The following ADGRE5 variants were observed in gnomAD, a reference collection of about 807,000 sequenced individuals.
ADGRE5 encodes the protein adhesion G protein-coupled receptor E5, also known as CD97 molecule.
ADGRE5 carries 72 observed loss-of-function variants against 100.3 expected under a neutral mutation model. That is an observed-to-expected ratio of 0.72 (90% CI 0.59 to 0.87). The LOEUF (loss-of-function observed/expected upper bound fraction) is 0.87, where lower values mean the gene tolerates loss of function less well. ADGRE5 is among the 40% of genes least tolerant of loss of function. The probability of loss-of-function intolerance (pLI) is 0.00; values close to 1 mark genes in which losing one functional copy is unlikely to be tolerated. For missense variants in ADGRE5, 959 were observed against 1,094.7 expected, an observed-to-expected ratio of 0.88 and a Z score of 1.75; for synonymous variants, 439 against 447.8, an observed-to-expected ratio of 0.98 and a Z score of 0.25.
intron 4 of ADGRE5, among the ~76,000 whole-genome samples, chr19:14,393,176 G>A (rs955846822): frequency 3.4e-5 from 5 of 148,864 alleles, no homozygotes; most frequent in Non-Finnish European, 7.4e-5. Context: ...ACTCCAGCCT[G>A]GGCAACAGAG....
intron 9 of ADGRE5, among the ~76,000 whole-genome samples, chr19:14,399,559 G>A (rs1444799820): frequency 3.9e-5 from 3 of 77,540 alleles, no homozygotes; most frequent in East Asian, 4.0e-4. Flanking sequence ...GCGAGACTCC[G>A]TCTCAAAAAA....
In ADGRE5 at chr19:14,387,090, C is replaced by T. The variant is rs561909191; in HGVS notation, c.23-1360C>T. Among the ~76,000 whole-genome samples, 44 of 152,214 alleles carry T rather than the reference C, an allele frequency of 2.9e-4. No homozygotes were observed. In the South Asian group the frequency reaches 8.7e-3, roughly 30 times the overall value. ...GCAGTAAATGCTCAGGCACACCGGA[C>T]AGCAGTCATGTGGTTTACTCCCACA... is the stretch of plus-strand genomic sequence containing the variant. On this transcript the variant is annotated intron_variant, in intron 1 of 19. Coordinates refer to ENST00000242786, the MANE Select transcript of ADGRE5 (RefSeq NM_078481.4).
At chr19:14,385,514 G>A (rs964986306) in intron 1 of ADGRE5, among the ~76,000 whole-genome samples, 8 of 152,154 alleles carry the variant, frequency 5.3e-5, no homozygotes, top group African/African-American at 1.9e-4. Flanking sequence ...CTGGTGACCT[G>A]AGGAGGGTCC....
chr19:14,407,275 A>G (rs748132064), intron 18 of ADGRE5, 46 bp downstream of exon 18: 3 of 1,602,860 alleles, frequency 1.9e-6, no homozygotes, highest in South Asian at 1.1e-5. Context: ...CCTCCCACCT[A>G]TTTGGGAGGC....
chr19:14,397,540 A>G (rs1975827613), intron 6 of ADGRE5, 118 bp from the exon 7 acceptor site: 1 of 1,534,070 alleles, frequency 6.5e-7, no homozygotes. Flanking sequence ...TCCATAACCC[A>G]GCGTCCACCA....
chr19:14,397,193 C>T lies in ADGRE5; in HGVS notation c.595C>T (p.Pro199Ser), dbSNP rs776277781. 9 of 1,614,002 alleles carry T rather than the reference C, an allele frequency of 5.6e-6. No homozygotes were observed. The African/African-American group carries it at 9.3e-5, about 17-fold the overall frequency. ...GGGCTGGCAACCGATTCCGGGGTCC[C>T]CCAATGGCCCAAACAATACCGTCTG... ...RPGWQPIPGSPNGPNNTVCED... is the reference protein window; with the variant it reads ...RPGWQPIPGSSNGPNNTVCED... Residue 199 changes from proline to serine, a missense_variant, in exon 6 of 20, where the codon CCC becomes TCC. Coordinates refer to ENST00000242786, the MANE Select transcript of ADGRE5 (RefSeq NM_078481.4).
chr19:14,400,660 C>T (rs867974279), intron 9 of ADGRE5, among the ~76,000 whole-genome samples: 40 of 151,862 alleles, frequency 2.6e-4, no homozygotes, highest in South Asian at 2.1e-4. Context: ...GGCATGGTGG[C>T]GGGCACCTGT....
At position 14,401,958 on chromosome 19, in the gene ADGRE5, C is replaced by T. The variant is rs139472472; in HGVS notation, c.1183+198C>T. 4.6e-5 allele frequency among the ~76,000 whole-genome samples: 7 copies of T among 152,166 alleles called. No individual in the cohort carries two copies. The highest frequency in any genetic ancestry group is 1.2e-4 in the African/African-American group (5 of 41,520). The stretch of plus-strand genomic sequence containing the variant: ...CCAGCCTGGGCAACATGGTGAAACC[C>T]GGTCTCTACAAAAAATACAAAAATT... On this transcript the variant is annotated intron_variant, in intron 11 of 19. Transcript: ENST00000242786. The surrounding 1 kb of genome is among the most constrained non-coding windows in gnomAD (Gnocchi z 4.1).
intron 1 of ADGRE5, 116 bp from the exon 2 acceptor site, chr19:14,388,334 C>T (rs1006555689): frequency 1.9e-5 from 29 of 1,536,052 alleles, no homozygotes; most frequent in Middle Eastern, 1.7e-4. Flanking sequence ...TCTGAACGAC[C>T]GTCAGGATCT....
Position 14,406,973 on chromosome 19 carries a change from G to C in ADGRE5, c.2207+13G>C. On this transcript the variant is annotated intron_variant, in intron 17 of 19. Transcript: ENST00000242786. The surrounding 1 kb of genome is among the most constrained non-coding windows in gnomAD (Gnocchi z 6.0). ...TAAAGAAGGCGAGGTGAGAGGAGAGGCTGGAAGGACTTGGAGGCGGGGCCG... is the reference window on the plus strand; with the variant it reads ...TAAAGAAGGCGAGGTGAGAGGAGAGCCTGGAAGGACTTGGAGGCGGGGCCG... The C allele has an allele frequency of 6.2e-7, 1 of 1,614,024 alleles. No homozygotes were observed. The highest frequency in any genetic ancestry group is 8.5e-7 in the Non-Finnish European group (1 of 1,179,864).
chr19:14,388,694 T>C lies in ADGRE5; in HGVS notation c.74-8T>C. ...CTCACCTTCTGACCGTGCTCCCTGCTCTTGCAGGCTGTGCCCGGTGGTGCC... is the reference window on the plus strand; with the variant it reads ...CTCACCTTCTGACCGTGCTCCCTGCCCTTGCAGGCTGTGCCCGGTGGTGCC... On this transcript the variant is annotated splice_region_variant and splice_polypyrimidine_tract_variant and intron_variant, in intron 2 of 19. Transcript: ENST00000242786. The C allele has an allele frequency of 6.2e-7, 1 of 1,612,758 alleles. No individual in the cohort carries two copies. The highest frequency in any genetic ancestry group is 8.5e-7 in the Non-Finnish European group (1 of 1,179,162).
In ADGRE5 at chr19:14,406,191, A is replaced by G. The variant is rs991756356; in HGVS notation, c.1822-140A>G. 7.9e-6 allele frequency: 6 copies of G among 754,892 alleles called. No homozygotes were observed. The highest frequency in any genetic ancestry group is 1.3e-5 in the Non-Finnish European group (6 of 479,804). 46.8% of individuals were successfully genotyped at this position (754,892 alleles called of 1,614,324 possible). On this transcript the variant is annotated intron_variant, in intron 14 of 19. Coordinates refer to ENST00000242786, the MANE Select transcript of ADGRE5 (RefSeq NM_078481.4). This position sits in a 1 kb window ranked among gnomAD's most constrained non-coding sequence, Gnocchi z 6.0. Reference sequence around the variant, plus strand: ...GTTGTTGGGGGTGGGCCCTGGGGGGAAACCTGGCCCCCGCTCCAGACCCGC... The same window carrying G: ...GTTGTTGGGGGTGGGCCCTGGGGGGGAACCTGGCCCCCGCTCCAGACCCGC...
At chr19:14,391,793 A>G (rs1409190097) in intron 4 of ADGRE5, among the ~76,000 whole-genome samples, 2 of 151,944 alleles carry the variant, frequency 1.3e-5, no homozygotes, top group African/African-American at 2.4e-5. Flanking sequence ...AAAAAATTAA[A>G]AACATTAAAT....
chr19:14,407,217 G>A lies in ADGRE5; in HGVS notation c.2364G>A (p.Leu788=), dbSNP rs1455678774. The A allele has an allele frequency of 6.2e-7, 1 of 1,613,970 alleles. No homozygotes were observed. Residue 788 remains leucine, a synonymous_variant, in exon 18 of 20, where the codon CTG becomes CTA. Transcript: ENST00000242786. ...QGAFLYLLHC[L]LNKKVREEYR... Reference sequence around the variant, plus strand: ...CCTTCCTCTACCTGCTGCACTGCCTGCTCAACAAGAAGGTGGGGGCCTGGG... The same window carrying A: ...CCTTCCTCTACCTGCTGCACTGCCTACTCAACAAGAAGGTGGGGGCCTGGG...
At position 14,394,400 on chromosome 19, in the gene ADGRE5, C is replaced by T. The variant is rs560257187; in HGVS notation, c.347-1942C>T. On this transcript the variant is annotated intron_variant, in intron 4 of 19. Transcript: ENST00000242786. ...CCTGTGACATCCAGGCCAGAGACCT[C>T]GGGCGGCTCCCTCCACTCCTCACCC... 2.4e-3 allele frequency among the ~76,000 whole-genome samples: 364 copies of T among 152,100 alleles called. 1 individual carries two copies. The highest frequency in any genetic ancestry group is 5.3e-3 in the African/African-American group (221 of 41,490).
chr19:14,406,747 C>G lies in ADGRE5; in HGVS notation c.2096C>G (p.Pro699Arg). 3 of 1,614,136 alleles carry G rather than the reference C, an allele frequency of 1.9e-6. No individual in the cohort carries two copies. Among genetic ancestry groups the G allele is most frequent in the Non-Finnish European group, 2.5e-6 (3 of 1,180,014 alleles). Residue 699 changes from proline (P) to arginine (R), a missense_variant, in exon 16 of 20, where the codon CCT (proline) becomes CGT (arginine). By Grantham distance (103) the Pro-to-Arg change is moderately radical. Around this residue, in one of 6 missense-constraint regions of ADGRE5, gnomAD observed 428 missense variants for 386.2 expected, o/e 1.11. Coordinates refer to ENST00000242786, the MANE Select transcript of ADGRE5 (RefSeq NM_078481.4). This position sits in a 1 kb window ranked among gnomAD's most constrained non-coding sequence, Gnocchi z 6.0. ...GGCTTCCTCTGGAGCTTCTTGGGAC[C>G]TGTGACCTTCATCATTTTGGTAAGT... is the stretch of plus-strand genomic sequence containing the variant. ...EQGFLWSFLG[P>R]VTFIILCNAV...
chr19:14,397,406 G>C (rs1465801441), intron 6 of ADGRE5, 183 bp downstream of exon 6: 8 of 791,984 alleles, frequency 1.0e-5, no homozygotes, highest in Middle Eastern at 4.7e-4. Context: ...GGGGTACTGA[G>C]GGGGAAGGCT....
rs531875134 is a variant in ADGRE5 at position 14,400,083 on chromosome 19, G to C, written c.898-1303G>C. Among the ~76,000 whole-genome samples the C allele has an allele frequency of 5.3e-5, 8 of 151,644 alleles. No homozygotes were observed. The South Asian group carries it at 1.5e-3, about 28-fold the overall frequency. ...CGCCCAGGCCGGAGTGCAGTGGCAC[G>C]ATCTCGGCTCACTGCAAGCTCCGCC... On this transcript the variant is annotated intron_variant, in intron 9 of 19. Coordinates refer to ENST00000242786, the MANE Select transcript of ADGRE5 (RefSeq NM_078481.4).
intron 9 of ADGRE5, among the ~76,000 whole-genome samples, chr19:14,399,336 G>T (rs965397545): frequency 6.6e-6 from 1 of 151,406 alleles, no homozygotes; most frequent in African/African-American, 2.4e-5. Flanking sequence ...GCTGAGGCAG[G>T]TGGATCACCA....
Sources: allele counts gnomAD v4.1 joint callset (sites outside exome capture counted in the v4.1 genomes callset), GRCh38; gene constraint gnomAD v4.1.1; regional missense constraint gnomAD v4.1.1; non-coding constraint Gnocchi (gnomAD v3.1); transcripts MANE v1.5; gene names NCBI Gene and HGNC (gene_info 2026-07-23, HGNC 2026-07-21).